TRIM44: variants seen among roughly 807,000 people sequenced by gnomAD.
TRIM44 encodes tripartite motif-containing protein 44.
A neutral mutation model predicts 37.4 loss-of-function variants in TRIM44; 13 were observed. That is an observed-to-expected ratio of 0.35 (90% CI 0.23 to 0.55). The LOEUF is 0.55. Ranked by LOEUF, TRIM44 falls within the 20% of genes least tolerant of loss-of-function variation. The pLI is 0.89. For synonymous variants in TRIM44, 175 were observed against 157.2 expected (o/e 1.11, Z -0.85); for missense variants, 426 against 437.2 (o/e 0.97, Z 0.23).
At chr11:35,682,954 GC>G (rs1851536603) in intron 1 of TRIM44, among the ~76,000 whole-genome samples, 5 of 152,102 alleles carry the variant, frequency 3.3e-5, no homozygotes, top group African/African-American at 9.7e-5. Context: ...CAGAGCTCTT[GC>G]CGAAGAGCTT....
rs2133890952 is a variant in TRIM44, at chr11:35,815,256, T to G, written c.*8871T>G. 3 of 152,302 alleles carry G rather than the reference T, an allele frequency of 2.0e-5. No individual in the cohort carries two copies. The Middle Eastern group carries it at 0.01, about 518-fold the overall frequency. 9.4% of individuals were successfully genotyped at this position (152,302 alleles called of 1,614,324 possible). ...TGTTTTTATTAGGACATCTGGAGAT[T>G]AGAGGTGTTAATTGGAAGTAACTTT... is the stretch of plus-strand genomic sequence containing the variant. On this transcript the variant is annotated 3_prime_UTR_variant, in exon 5 of 5. Coordinates refer to ENST00000299413, the MANE Select transcript of TRIM44 (RefSeq NM_017583.6).
rs1393576637 is a variant in TRIM44, at chr11:35,696,355, G to A, written c.747+11019G>A. On this transcript the variant is annotated intron_variant, in intron 2 of 4. Transcript: ENST00000299413. ...GACGGGGTTTCACCATGTTAGCCAG[G>A]ATGGTCTCGATCTCCTGACCTCGTG... 8.9e-4 allele frequency among the ~76,000 whole-genome samples: 135 copies of A among 151,192 alleles called. No homozygotes were observed. In the Middle Eastern group the frequency reaches 0.01, roughly 12 times the overall value.
chr11:35,759,215 C>T (rs1003143595), intron 4 of TRIM44, among the ~76,000 whole-genome samples: 1 of 152,104 alleles, frequency 6.6e-6, no homozygotes, highest in African/African-American at 2.4e-5. Context: ...ATTCTTTTTT[C>T]TCTAAACTTC....
chr11:35,755,985 T>G (rs530674298), intron 4 of TRIM44, among the ~76,000 whole-genome samples: 4 of 151,026 alleles, frequency 2.6e-5, no homozygotes, highest in Non-Finnish European at 4.5e-5. Flanking sequence ...CTTGGCAATG[T>G]GGGCTCTTTT....
At position 35,699,216 on chromosome 11, in the gene TRIM44, C is replaced by T. The variant is rs542425305; in HGVS notation, c.747+13880C>T. 2.2e-3 allele frequency among the ~76,000 whole-genome samples: 342 copies of T among 152,064 alleles called. 1 individual carries two copies. The highest frequency in any genetic ancestry group is 7.6e-3 in the African/African-American group (314 of 41,446). ...TGTAGTATAGTTTGAAGTCAGGTAG[C>T]GTGATGCCTCCAGCTTTGTTCTTTT... On this transcript the variant is annotated intron_variant, in intron 2 of 4. Transcript: ENST00000299413.
At chr11:35,783,556 C>G (rs1853091998) in intron 4 of TRIM44, among the ~76,000 whole-genome samples, 1 of 152,162 alleles carries the variant, frequency 6.6e-6, no homozygotes, top group Non-Finnish European at 1.5e-5. Flanking sequence ...GCAGATGTCA[C>G]TGGTATTTTC....
intron 1 of TRIM44, among the ~76,000 whole-genome samples, chr11:35,671,534 G>A (rs1285733809): frequency 1.3e-5 from 2 of 152,200 alleles, no homozygotes; most frequent in Admixed American, 6.5e-5. Flanking sequence ...TACAATTTAT[G>A]TTTTGATACC....
chr11:35,774,228 A>G (rs1852918528), intron 4 of TRIM44, among the ~76,000 whole-genome samples: 2 of 152,150 alleles, frequency 1.3e-5, no homozygotes, highest in Admixed American at 1.3e-4. Context: ...GCCGGTGATG[A>G]TGAGCATTTT....
intron 4 of TRIM44, among the ~76,000 whole-genome samples, chr11:35,761,215 T>C (rs1282136799): frequency 6.6e-6 from 1 of 152,230 alleles, no homozygotes; most frequent in East Asian, 1.9e-4. Flanking sequence ...TTAAGTTGAT[T>C]CCACATCTTG....
chr11:35,758,773 G>A (rs1268356683), intron 4 of TRIM44, among the ~76,000 whole-genome samples: 1 of 152,132 alleles, frequency 6.6e-6, no homozygotes, highest in East Asian at 1.9e-4. Flanking sequence ...TAGTTTGGCT[G>A]GATATGAAAT....
chr11:35,742,566 ATAATTATAT>A (rs1167036169), intron 4 of TRIM44, among the ~76,000 whole-genome samples: 3 of 132,572 alleles, frequency 2.3e-5, no homozygotes, highest in Non-Finnish European at 4.6e-5. Context: ...TGTATTATAT[ATAATTATAT>A]TAATTATATT....
chr11:35,774,906 C>T (rs1463584586), intron 4 of TRIM44, among the ~76,000 whole-genome samples: 1 of 152,146 alleles, frequency 6.6e-6, no homozygotes, highest in South Asian at 2.1e-4. Flanking sequence ...TAGCGTGATG[C>T]CTCCATCTTC....
chr11:35,803,425 A>G (rs1853396914), intron 4 of TRIM44, among the ~76,000 whole-genome samples: 1 of 152,204 alleles, frequency 6.6e-6, no homozygotes, highest in Non-Finnish European at 1.5e-5. Flanking sequence ...AGACTTTTAT[A>G]GACTAAGATA....
intron 4 of TRIM44, among the ~76,000 whole-genome samples, chr11:35,789,977 A>T (rs1346535704): frequency 2.0e-5 from 3 of 152,178 alleles, no homozygotes; most frequent in African/African-American, 7.2e-5. Flanking sequence ...ACAGGTTTGA[A>T]GTTGTAGAAT....
intron 2 of TRIM44, among the ~76,000 whole-genome samples, chr11:35,723,374 A>G (rs970928471): frequency 3.9e-5 from 6 of 152,240 alleles, no homozygotes; most frequent in Non-Finnish European, 5.9e-5. Flanking sequence ...ATGTTTAATC[A>G]TATTCCACTT....
chr11:35,705,216 C>T (rs1368334808), intron 2 of TRIM44, among the ~76,000 whole-genome samples: 1 of 151,408 alleles, frequency 6.6e-6, no homozygotes, highest in Non-Finnish European at 1.5e-5. Flanking sequence ...AGCTAACTAT[C>T]CTAAATATAT....
At chr11:35,726,185 A>G (rs1224271987) in intron 3 of TRIM44, 22 bp downstream of exon 3, 2 of 1,609,390 alleles carry the variant, frequency 1.2e-6, no homozygotes, top group South Asian at 1.1e-5. Flanking sequence ...GCCCATAATT[A>G]TTAGTAGCAA....
intron 2 of TRIM44, among the ~76,000 whole-genome samples, chr11:35,705,444 A>T (rs1394194241): frequency 6.6e-6 from 1 of 152,220 alleles, no homozygotes; most frequent in Non-Finnish European, 1.5e-5. Flanking sequence ...TCCACCCCAA[A>T]TCAACAGAAT....
rs150544234 is a variant in TRIM44, at chr11:35,767,521, G to A, written c.1007+32076G>A. On this transcript the variant is annotated intron_variant, in intron 4 of 4. Transcript: ENST00000299413. ...GCTCTTTTTCTTTGTCTTTTCTGTGGTTGTATTATGTCTCTGTGCTGTGGT... is the reference window on the plus strand; with the variant it reads ...GCTCTTTTTCTTTGTCTTTTCTGTGATTGTATTATGTCTCTGTGCTGTGGT... 4.0e-3 allele frequency among the ~76,000 whole-genome samples: 607 copies of A among 152,092 alleles called. 2 individuals are homozygous for A. Among genetic ancestry groups the A allele is most frequent in the African/African-American group, 0.014 (589 of 41,470 alleles).
Sources: gnomAD v4.1 joint callset for allele counts (sites outside exome capture counted in the v4.1 genomes callset) on GRCh38, gnomAD v4.1.1 for gene constraint, MANE v1.5 for transcripts, NCBI Gene and HGNC (gene_info 2026-07-23, HGNC 2026-07-21) for gene names.